CCSER1: variants seen among roughly 807,000 people sequenced by gnomAD.
The protein encoded by CCSER1 is coiled-coil serine rich protein 1.
Under a neutral mutation model 82.0 loss-of-function variants are expected in CCSER1, and 41 were observed. The ratio of observed to expected loss-of-function variants is 0.50; its 90% CI spans 0.39 to 0.65. CCSER1 has a LOEUF of 0.65. Among genes scored for constraint, CCSER1 ranks in the 30% least tolerant of loss-of-function variants. The pLI, the probability that CCSER1 is intolerant of heterozygous loss-of-function variation, is 0.00. For synonymous variants in CCSER1, 414 were observed against 383.9 expected, an observed-to-expected ratio of 1.08 and a Z score of -0.92; for missense variants, 1,119 against 1,064.2, an observed-to-expected ratio of 1.05 and a Z score of -0.72.
At chr4:91,357,882 C>T (rs912168937) in intron 10 of CCSER1, among the ~76,000 whole-genome samples, 1 of 72,804 alleles carries the variant, frequency 1.4e-5, no homozygotes. Context: ...GCCTGCCCCC[C>T]CCCCCTTTTT....
chr4:91,049,229 G>A (rs543259773), intron 9 of CCSER1, among the ~76,000 whole-genome samples: 2 of 152,272 alleles, frequency 1.3e-5, no homozygotes, highest in Non-Finnish European at 2.9e-5. Flanking sequence ...ATTTAACCAT[G>A]AATTTTTACA....
chr4:90,228,946 A>G (rs1275254346), intron 1 of CCSER1, among the ~76,000 whole-genome samples: 4 of 152,214 alleles, frequency 2.6e-5, no homozygotes, highest in Admixed American at 2.0e-4. Flanking sequence ...AAACGAGCAA[A>G]GCCTCCAAGA....
At position 90,978,305 on chromosome 4, in the gene CCSER1, A is replaced by G. The variant is rs139365568; in HGVS notation, c.2172+54858A>G. ...TTTTTATTGGGTTTTGTGAGAATTC[A>G]AAGAATTAATGTACACAAAGCTCTT... On this transcript the variant is annotated intron_variant, in intron 9 of 10. Coordinates refer to ENST00000509176, the MANE Select transcript of CCSER1 (RefSeq NM_001145065.2). Among the ~76,000 whole-genome samples, 230 of 151,768 alleles carry G rather than the reference A, an allele frequency of 1.5e-3. 1 individual carries two copies. The highest frequency in any genetic ancestry group is 2.4e-3 in the Non-Finnish European group (165 of 67,778).
intron 3 of CCSER1, among the ~76,000 whole-genome samples, chr4:90,369,163 G>A (rs570874507): frequency 6.6e-6 from 1 of 150,912 alleles, no homozygotes; most frequent in South Asian, 2.1e-4. Context: ...GGAAGGAGAG[G>A]AGGAGGAAAA....
At chr4:91,420,925 G>A (rs1753649747) in intron 10 of CCSER1, among the ~76,000 whole-genome samples, 1 of 152,052 alleles carries the variant, frequency 6.6e-6, no homozygotes, top group South Asian at 2.1e-4. Context: ...AAACCTGGAG[G>A]GTATTATGCT....
At chr4:90,592,038 A>G (rs1373360932) in intron 5 of CCSER1, among the ~76,000 whole-genome samples, 1 of 151,966 alleles carries the variant, frequency 6.6e-6, no homozygotes, top group Non-Finnish European at 1.5e-5. Flanking sequence ...CTGTCGCAGG[A>G]TGGGAGCAAG....
chr4:91,012,759 G>T (rs1739110208), intron 9 of CCSER1, among the ~76,000 whole-genome samples: 1 of 82,752 alleles, frequency 1.2e-5, no homozygotes, highest in African/African-American at 2.9e-5. Flanking sequence ...GGGGGATGGT[G>T]TTGGCTTATT....
chr4:90,448,937 A>G (rs1326479792), intron 4 of CCSER1, among the ~76,000 whole-genome samples: 3 of 152,290 alleles, frequency 2.0e-5, no homozygotes, highest in Non-Finnish European at 4.4e-5. Context: ...TGAGGTATGC[A>G]GACAACTGGA....
intron 10 of CCSER1, among the ~76,000 whole-genome samples, chr4:91,451,143 G>A (rs1331999341): frequency 6.6e-6 from 1 of 151,996 alleles, no homozygotes; most frequent in African/African-American, 2.4e-5. Flanking sequence ...ACCCCAGCTT[G>A]TTTGGGCTTA....
intron 1 of CCSER1, among the ~76,000 whole-genome samples, chr4:90,227,016 ATTC>A (rs1743290396): frequency 6.6e-6 from 1 of 152,142 alleles, no homozygotes; most frequent in Admixed American, 6.5e-5. Context: ...TCCATGTCCA[ATTC>A]TTCTTACCCT....
chr4:91,229,341 A>G (rs1482507159), intron 10 of CCSER1, among the ~76,000 whole-genome samples: 3 of 151,724 alleles, frequency 2.0e-5, no homozygotes, highest in African/African-American at 7.2e-5. Context: ...TTACTTCTAG[A>G]TATGTTTTGA....
intron 5 of CCSER1, among the ~76,000 whole-genome samples, chr4:90,548,731 T>G (rs1041962934): frequency 4.2e-5 from 4 of 95,570 alleles, no homozygotes; most frequent in Non-Finnish European, 8.0e-5. Flanking sequence ...TTTAAAGATA[T>G]ATATATATAT....
At chr4:91,583,127 T>G (rs562304284) in intron 10 of CCSER1, among the ~76,000 whole-genome samples, 1 of 151,460 alleles carries the variant, frequency 6.6e-6, no homozygotes, top group East Asian at 1.9e-4. Flanking sequence ...TGGAGTCAAG[T>G]GTGGCTATGA....
intron 10 of CCSER1, among the ~76,000 whole-genome samples, chr4:91,514,280 G>T (rs988104040): frequency 6.6e-6 from 1 of 151,966 alleles, no homozygotes; most frequent in Non-Finnish European, 1.5e-5. Flanking sequence ...AAATTTTCTG[G>T]GTATTGATTT....
intron 5 of CCSER1, among the ~76,000 whole-genome samples, chr4:90,572,575 T>A (rs1780234756): frequency 1.5e-5 from 2 of 133,396 alleles, no homozygotes; most frequent in African/African-American, 7.4e-5. Context: ...GAGCGCACGT[T>A]ATTATTATTA....
chr4:90,376,331 G>A (rs1397019872), intron 3 of CCSER1, among the ~76,000 whole-genome samples: 1 of 152,204 alleles, frequency 6.6e-6, no homozygotes, highest in African/African-American at 2.4e-5. Flanking sequence ...AAAGTAATCA[G>A]TGACATAGCT....
At chr4:91,401,569 C>A (rs1395659978) in intron 10 of CCSER1, among the ~76,000 whole-genome samples, 2 of 151,872 alleles carry the variant, frequency 1.3e-5, no homozygotes, top group Non-Finnish European at 2.9e-5. Context: ...CCATGACAGA[C>A]CCTGGTGTGT....
At chr4:91,411,372 T>C (rs2149371599) in intron 10 of CCSER1, among the ~76,000 whole-genome samples, 1 of 150,894 alleles carries the variant, frequency 6.6e-6, no homozygotes, top group Admixed American at 6.6e-5. Flanking sequence ...CTATTTTTCC[T>C]CTGTTGCTCA....
At chr4:91,222,845 T>C (rs1438486376) in intron 10 of CCSER1, among the ~76,000 whole-genome samples, 2 of 152,164 alleles carry the variant, frequency 1.3e-5, no homozygotes, top group African/African-American at 4.8e-5. Flanking sequence ...TTAATTTTAA[T>C]GAATATAAAA....
Sources: gnomAD v4.1 joint callset for allele counts (sites outside exome capture counted in the v4.1 genomes callset) on GRCh38, gnomAD v4.1.1 for gene constraint, MANE v1.5 for transcripts, NCBI Gene and HGNC (gene_info 2026-07-23, HGNC 2026-07-21) for gene names.